The following TAF3 variants were observed in gnomAD, a reference collection of about 807,000 sequenced individuals.
The protein encoded by TAF3 is TATA-box binding protein associated factor 3, also known as transcription initiation factor TFIID subunit 3.
TAF3 carries 7 observed loss-of-function variants against 80.6 expected under a neutral mutation model. The observed-to-expected ratio is 0.09, with a 90% CI of 0.05 to 0.16. TAF3 has a LOEUF of 0.16. TAF3 is among the 10% of genes least tolerant of loss of function. The probability of loss-of-function intolerance (pLI) is 1.00; values close to 1 mark genes in which losing one functional copy is unlikely to be tolerated. For synonymous variants in TAF3, 444 were observed against 446.1 expected, an observed-to-expected ratio of 1.00 and a Z score of 0.06; for missense variants, 921 against 1,140.2, an observed-to-expected ratio of 0.81 and a Z score of 2.77.
At chr10:7,862,044 C>G (rs1327497346) in intron 2 of TAF3, among the ~76,000 whole-genome samples, 6 of 152,144 alleles carry the variant, frequency 3.9e-5, no homozygotes, top group Non-Finnish European at 1.5e-5. Flanking sequence ...TTTTCAGGGT[C>G]ACTGAGCTTT....
At chr10:7,924,995 A>G (rs964295124) in intron 2 of TAF3, among the ~76,000 whole-genome samples, 1 of 152,222 alleles carries the variant, frequency 6.6e-6, no homozygotes, top group Non-Finnish European at 1.5e-5. Flanking sequence ...AGTGAGAAAT[A>G]CTCTAGATTT....
chr10:7,962,160 G>T (rs1831512664), intron 2 of TAF3, among the ~76,000 whole-genome samples: 1 of 152,142 alleles, frequency 6.6e-6, no homozygotes, highest in Non-Finnish European at 1.5e-5. Flanking sequence ...CAGGCTCAAA[G>T]CTTTGAAATT....
chr10:7,961,580 T>TG (rs1447633919), intron 2 of TAF3, among the ~76,000 whole-genome samples: 5 of 152,212 alleles, frequency 3.3e-5, no homozygotes, highest in African/African-American at 1.2e-4. Flanking sequence ...TCAAAATACC[T>TG]GAACCTGTTT....
intron 2 of TAF3, among the ~76,000 whole-genome samples, chr10:7,956,438 A>G (rs1360469482): frequency 6.6e-6 from 1 of 152,164 alleles, no homozygotes; most frequent in Non-Finnish European, 1.5e-5. Flanking sequence ...AGTGAACCGG[A>G]ATCATGCCAC....
chr10:7,853,914 A>G (rs1042694280), intron 2 of TAF3, among the ~76,000 whole-genome samples: 1 of 152,368 alleles, frequency 6.6e-6, no homozygotes, highest in Middle Eastern at 3.4e-3. Flanking sequence ...GGAAATATCA[A>G]TAAAAACATC....
intron 2 of TAF3, among the ~76,000 whole-genome samples, chr10:7,871,303 A>G (rs897615808): frequency 1.3e-5 from 2 of 152,260 alleles, no homozygotes; most frequent in African/African-American, 2.4e-5. Context: ...TGTGCTAAGC[A>G]TATATTAATT....
chr10:7,891,114 C>G (rs1291503987), intron 2 of TAF3, among the ~76,000 whole-genome samples: 3 of 152,160 alleles, frequency 2.0e-5, no homozygotes, highest in Non-Finnish European at 4.4e-5. Context: ...ATTTGTTAAT[C>G]TAGTAAGTCA....
chr10:7,839,218 G>T (rs1836885599), intron 2 of TAF3, among the ~76,000 whole-genome samples: 1 of 152,050 alleles, frequency 6.6e-6, no homozygotes, highest in Admixed American at 6.5e-5. Context: ...CCATCACCAT[G>T]CCCACCCTGG....
rs78691466 is a variant in TAF3 at position 7,955,825 on chromosome 10, G to T, written c.410-8095G>T. On this transcript the variant is annotated intron_variant, in intron 2 of 6. Coordinates refer to ENST00000344293, the MANE Select transcript of TAF3 (RefSeq NM_031923.4). ...ATTATTCCTCAGGAGAATGTAGGGA[G>T]TGTGGATTATTTGTTTGTGTTATTA... 5.5e-3 allele frequency among the ~76,000 whole-genome samples: 832 copies of T among 152,324 alleles called. 9 individuals carry two copies. Among genetic ancestry groups the T allele is most frequent in the African/African-American group, 0.019 (792 of 41,558 alleles).
intron 2 of TAF3, among the ~76,000 whole-genome samples, chr10:7,881,490 A>AAC (rs3039468): frequency 0.015 from 2,207 of 148,770 alleles, 30 homozygotes; most frequent in African/African-American, 0.038. Context: ...CATACACACA[A>AAC]ACACACACAC....
At chr10:7,972,624 C>T (rs945090722) in intron 3 of TAF3, among the ~76,000 whole-genome samples, 5 of 152,164 alleles carry the variant, frequency 3.3e-5, no homozygotes, top group East Asian at 3.8e-4. Context: ...TGTTGCCTTC[C>T]GGGCACATTT....
chr10:7,935,136 G>C (rs1588557574), intron 2 of TAF3, among the ~76,000 whole-genome samples: 2 of 152,224 alleles, frequency 1.3e-5, no homozygotes, highest in East Asian at 3.9e-4. Flanking sequence ...AATCAGCTGT[G>C]CGTGCTGGTG....
At chr10:7,921,213 T>A (rs1485880694) in intron 2 of TAF3, among the ~76,000 whole-genome samples, 1 of 152,200 alleles carries the variant, frequency 6.6e-6, no homozygotes, top group Non-Finnish European at 1.5e-5. Context: ...CATAATTAGC[T>A]TTACTTTGAA....
intron 4 of TAF3, among the ~76,000 whole-genome samples, chr10:8,002,203 G>A (rs1337360218): frequency 6.6e-6 from 1 of 152,084 alleles, no homozygotes; most frequent in Non-Finnish European, 1.5e-5. Context: ...AAACGCCTGG[G>A]TTGTCCTCAC....
chr10:8,007,751 C>T (rs1832010927), intron 4 of TAF3, among the ~76,000 whole-genome samples: 1 of 151,622 alleles, frequency 6.6e-6, no homozygotes, highest in African/African-American at 2.4e-5. Flanking sequence ...GTAATCATTA[C>T]TTCTTTGATG....
chr10:7,886,534 C>T lies in TAF3; in HGVS notation c.409+61974C>T, dbSNP rs570924989. On this transcript the variant is annotated intron_variant, in intron 2 of 6. Transcript: ENST00000344293. ...TGGCTTAAAAATTCTAGCTTTGCCA[C>T]GTTGTGGCTATATGACATTGTGAAG... Among the ~76,000 whole-genome samples, 21 of 152,326 alleles carry T rather than the reference C, an allele frequency of 1.4e-4. No homozygotes were observed. The South Asian group carries it at 3.3e-3, about 24-fold the overall frequency.
At chr10:7,942,794 T>G (rs1837988214) in intron 2 of TAF3, among the ~76,000 whole-genome samples, 1 of 152,258 alleles carries the variant, frequency 6.6e-6, no homozygotes, top group Non-Finnish European at 1.5e-5. Flanking sequence ...GGAAATTTAG[T>G]TAAAAAAATT....
chr10:7,959,153 C>G (rs998459433), intron 2 of TAF3, among the ~76,000 whole-genome samples: 5 of 139,404 alleles, frequency 3.6e-5, no homozygotes, highest in Admixed American at 7.6e-5. Context: ...CACACACACA[C>G]ACACACACAC....
intron 2 of TAF3, among the ~76,000 whole-genome samples, chr10:7,897,135 C>T (rs1465942030): frequency 3.3e-5 from 5 of 152,156 alleles, no homozygotes; most frequent in Non-Finnish European, 7.3e-5. Flanking sequence ...AAAAGGTTCA[C>T]GTGAAGAGAT....
Sources: gnomAD v4.1 joint callset for allele counts (sites outside exome capture counted in the v4.1 genomes callset) on GRCh38, gnomAD v4.1.1 for gene constraint, MANE v1.5 for transcripts, NCBI Gene and HGNC (gene_info 2026-07-23, HGNC 2026-07-21) for gene names.